PGM5: variants seen among roughly 807,000 people sequenced by gnomAD.
The protein encoded by PGM5 is phosphoglucomutase 5, also known as phosphoglucomutase-like protein 5.
A neutral mutation model predicts 59.2 loss-of-function variants in PGM5; 23 were observed. That is an observed-to-expected ratio of 0.39 (90% CI 0.28 to 0.55). PGM5 has a LOEUF of 0.55. Among genes scored for constraint, PGM5 ranks in the 20% least tolerant of loss-of-function variants. PGM5 has a pLI of 0.66. For synonymous variants in PGM5, 214 were observed against 286.0 expected, an observed-to-expected ratio of 0.75 and a Z score of 2.54; for missense variants, 574 against 748.3, an observed-to-expected ratio of 0.77 and a Z score of 2.72.
chr9:68,508,760 A>T (rs1181495963), intron 10 of PGM5, among the ~76,000 whole-genome samples: 4 of 152,202 alleles, frequency 2.6e-5, no homozygotes, highest in Admixed American at 2.6e-4. Flanking sequence ...TGCCTTTCCC[A>T]GCAGCCTTTT....
intron 6 of PGM5, among the ~76,000 whole-genome samples, chr9:68,423,603 T>C (rs1302106715): frequency 6.6e-6 from 1 of 151,226 alleles, no homozygotes; most frequent in Non-Finnish European, 1.5e-5. Context: ...ATGGCAGCCT[T>C]TGGGAAATAA....
At chr9:68,505,087 C>G (rs1192402516) in intron 10 of PGM5, among the ~76,000 whole-genome samples, 1 of 152,158 alleles carries the variant, frequency 6.6e-6, no homozygotes, top group African/African-American at 2.4e-5. Flanking sequence ...CAGAATTATC[C>G]TGCTTTGCTT....
chr9:68,515,102 A>G (rs1554689620), intron 10 of PGM5, among the ~76,000 whole-genome samples: 1 of 152,234 alleles, frequency 6.6e-6, no homozygotes, highest in East Asian at 1.9e-4. Flanking sequence ...TAGACAGTCT[A>G]GCACACTTCA....
At position 68,380,717 on chromosome 9, in the gene PGM5, C is replaced by G. The variant is rs184022114; in HGVS notation, c.424+2356C>G. On this transcript the variant is annotated intron_variant, in intron 2 of 10. Transcript: ENST00000396396. ...AGCTAGATTCACTAAAAAAAGCAGACTCAAATAAATAAAATCAGAAATGAA... is the reference window on the plus strand; with the variant it reads ...AGCTAGATTCACTAAAAAAAGCAGAGTCAAATAAATAAAATCAGAAATGAA... Among the ~76,000 whole-genome samples the G allele has an allele frequency of 3.0e-3, 458 of 151,778 alleles. 4 individuals are homozygous for G. Among genetic ancestry groups the G allele is most frequent in the African/African-American group, 0.011 (436 of 41,460 alleles).
rs531873522 is a variant in PGM5 at position 68,407,653 on chromosome 9, A to G, written c.1043+15180A>G. Among the ~76,000 whole-genome samples, 9 of 152,272 alleles carry G rather than the reference A, an allele frequency of 5.9e-5. No homozygotes were observed. In the East Asian group the frequency reaches 9.6e-4, roughly 16 times the overall value. On this transcript the variant is annotated intron_variant, in intron 6 of 10. Transcript: ENST00000396396. ...CCTCAAACCCCCAAACAGACCTGAA[A>G]TGTTTATCCCTACCACTACTTCTGA...
rs1824531481 is a variant in PGM5, at chr9:68,499,309, T to G, written c.1562T>G (p.Leu521Arg). The change falls in exon 10 of 11, where the codon CTG becomes CGG. Residue 521 changes from leucine to arginine, a missense_variant. Around this residue, in one of 7 missense-constraint regions of PGM5, gnomAD observed 300 missense variants for 280.0 expected, o/e 1.07. Transcript: ENST00000396396. The stretch of plus-strand genomic sequence containing the variant: ...AGTGGTGTGCGGGCCACCCTCAGAC[T>G]GTACGCAGAGAGCTACGAGAGGGAT... ...SSSGVRATLRLYAESYERDPS... is the reference protein window; with the variant it reads ...SSSGVRATLRRYAESYERDPS... 1 of 1,614,196 alleles carries G rather than the reference T, an allele frequency of 6.2e-7. No homozygotes were observed. Among genetic ancestry groups the G allele is most frequent in the Admixed American group, 1.7e-5 (1 of 60,024 alleles).
At chr9:68,377,802 A>C (rs1554677935) in intron 1 of PGM5, among the ~76,000 whole-genome samples, 2 of 152,260 alleles carry the variant, frequency 1.3e-5, no homozygotes, top group Non-Finnish European at 2.9e-5. Flanking sequence ...GAAGCAGAAG[A>C]AGCAGAGAAG....
At chr9:68,501,510 G>A (rs1824572831) in intron 10 of PGM5, among the ~76,000 whole-genome samples, 1 of 152,150 alleles carries the variant, frequency 6.6e-6, no homozygotes, top group South Asian at 2.1e-4. Flanking sequence ...ACCTGCTTCT[G>A]CCTTCTAAAA....
intron 8 of PGM5, among the ~76,000 whole-genome samples, chr9:68,480,265 T>C (rs1554687039): frequency 1.3e-5 from 2 of 152,312 alleles, no homozygotes; most frequent in Middle Eastern, 3.4e-3. Context: ...TGTGACAGGT[T>C]GGTATGCTTT....
intron 6 of PGM5, among the ~76,000 whole-genome samples, chr9:68,403,948 AG>A (rs1296902159): frequency 1.3e-5 from 2 of 152,222 alleles, no homozygotes; most frequent in African/African-American, 4.8e-5. Flanking sequence ...TAAGACTTCC[AG>A]GAAAATGTTG....
chr9:68,359,671 T>C (rs540348769), intron 1 of PGM5, among the ~76,000 whole-genome samples: 98 of 152,344 alleles, frequency 6.4e-4, no homozygotes, highest in African/African-American at 2.2e-3. Context: ...CCAAAGGCTT[T>C]GGTCTTTTTT....
intron 7 of PGM5, among the ~76,000 whole-genome samples, chr9:68,479,203 T>G (rs950911640): frequency 6.6e-6 from 1 of 152,208 alleles, no homozygotes; most frequent in Admixed American, 6.5e-5. Context: ...CCTTCAGAAA[T>G]TTCCAAGTTT....
chr9:68,527,121 G>A (rs916746191), intron 10 of PGM5, among the ~76,000 whole-genome samples: 2 of 152,314 alleles, frequency 1.3e-5, no homozygotes, highest in African/African-American at 4.8e-5. Context: ...GATCAGAAAA[G>A]AGAACTTCTC....
At chr9:68,522,917 T>C (rs569894330) in intron 10 of PGM5, among the ~76,000 whole-genome samples, 72 of 152,352 alleles carry the variant, frequency 4.7e-4, no homozygotes, top group African/African-American at 1.7e-3. Context: ...TTTCTTATAA[T>C]TTTTTGTCAC....
At chr9:68,381,429 G>C (rs1179122286) in intron 2 of PGM5, among the ~76,000 whole-genome samples, 2 of 151,788 alleles carry the variant, frequency 1.3e-5, no homozygotes, top group Non-Finnish European at 2.9e-5. Flanking sequence ...TAATCAATTG[G>C]GGACAACTGA....
intron 1 of PGM5, among the ~76,000 whole-genome samples, chr9:68,377,762 C>T (rs1821959372): frequency 6.6e-6 from 1 of 152,278 alleles, no homozygotes; most frequent in Non-Finnish European, 1.5e-5. Flanking sequence ...AATCAGTCCC[C>T]TTGCTCTCTG....
chr9:68,413,806 C>A (rs561894288), intron 6 of PGM5, among the ~76,000 whole-genome samples: 1 of 152,138 alleles, frequency 6.6e-6, no homozygotes, highest in Non-Finnish European at 1.5e-5. Flanking sequence ...ACAACACAGC[C>A]ATATACAGAA....
intron 8 of PGM5, among the ~76,000 whole-genome samples, chr9:68,481,762 T>C (rs1824200181): frequency 1.3e-5 from 2 of 152,254 alleles, no homozygotes; most frequent in Non-Finnish European, 2.9e-5. Flanking sequence ...TAATTTCTTC[T>C]AGGACATTGA....
At chr9:68,473,622 A>G (rs1554686425) in intron 7 of PGM5, among the ~76,000 whole-genome samples, 1 of 152,206 alleles carries the variant, frequency 6.6e-6, no homozygotes, top group East Asian at 1.9e-4. Context: ...TCTTCTTAGA[A>G]TGGAATTTAT....
Sources: allele counts gnomAD v4.1 joint callset (sites outside exome capture counted in the v4.1 genomes callset), GRCh38; gene constraint gnomAD v4.1.1; regional missense constraint gnomAD v4.1.1; transcripts MANE v1.5; gene names NCBI Gene and HGNC (gene_info 2026-07-23, HGNC 2026-07-21).